TRPM3: variants seen among roughly 807,000 people sequenced by gnomAD.
TRPM3 encodes the protein long transient receptor potential channel 3.
Under a neutral mutation model 181.2 loss-of-function variants are expected in TRPM3, and 77 were observed. The ratio of observed to expected loss-of-function variants is 0.42; its 90% CI spans 0.35 to 0.51. TRPM3 has a LOEUF of 0.51. Ranked by LOEUF, TRPM3 falls within the 20% of genes least tolerant of loss-of-function variation. The pLI is 0.01. For missense variants in TRPM3, 1,759 were observed against 2,196.7 expected, an observed-to-expected ratio of 0.80 and a Z score of 3.98; for synonymous variants, 745 against 796.4, an observed-to-expected ratio of 0.94 and a Z score of 1.09.
Position 71,074,126 on chromosome 9 carries a change from G to A in TRPM3, c.177+47052C>T, listed in dbSNP as rs140922855. On this transcript the variant is annotated intron_variant, in intron 1 of 25. Coordinates refer to ENST00000677713, the MANE Select transcript of TRPM3 (RefSeq NM_001366145.2). The stretch of plus-strand genomic sequence containing the variant: ...TGTTAACAATATAATTCACCAGCCC[G>A]CAATTAATTCTATTTTAGTAACTAC... Among the ~76,000 whole-genome samples the A allele has an allele frequency of 3.4e-3, 524 of 152,190 alleles. 4 individuals are homozygous for A. The highest frequency in any genetic ancestry group is 2.4e-3 in the Admixed American group (37 of 15,280).
chr9:71,224,888 T>C (rs1266049076), intron 1 of TRPM3, among the ~76,000 whole-genome samples: 1 of 151,990 alleles, frequency 6.6e-6, no homozygotes, highest in Non-Finnish European at 1.5e-5. Flanking sequence ...ATTAGTGCGC[T>C]TAAAGACAGG....
At chr9:71,330,256 A>G (rs1460523069) in intron 1 of TRPM3, among the ~76,000 whole-genome samples, 1 of 151,914 alleles carries the variant, frequency 6.6e-6, no homozygotes, top group East Asian at 1.9e-4. Flanking sequence ...GATTTTTGTT[A>G]AGGTTACATA....
intron 1 of TRPM3, among the ~76,000 whole-genome samples, chr9:71,083,713 TAC>T (rs34900575): frequency 0.31 from 45,602 of 145,124 alleles, 7,047 homozygotes; most frequent in East Asian, 0.38. Flanking sequence ...TATTATTATG[TAC>T]ACACACACAC....
At chr9:71,203,598 G>C (rs936007710) in intron 1 of TRPM3, among the ~76,000 whole-genome samples, 10 of 152,126 alleles carry the variant, frequency 6.6e-5, no homozygotes, top group Admixed American at 1.3e-4. Context: ...CTACTGACTG[G>C]CTGTGTGACC....
At chr9:70,655,151 C>CA (rs1414158877) in intron 9 of TRPM3, among the ~76,000 whole-genome samples, 1 of 149,756 alleles carries the variant, frequency 6.7e-6, no homozygotes, top group African/African-American at 2.4e-5. Flanking sequence ...GCTAAAAATA[C>CA]AAAAATTAGC....
At chr9:71,086,319 A>G (rs1005094240) in intron 1 of TRPM3, among the ~76,000 whole-genome samples, 4 of 151,930 alleles carry the variant, frequency 2.6e-5, no homozygotes, top group Non-Finnish European at 1.5e-5. Context: ...ACTCATAGGA[A>G]AAACTAAACC....
intron 22 of TRPM3, among the ~76,000 whole-genome samples, chr9:70,588,129 G>A (rs1304633408): frequency 1.3e-5 from 2 of 152,154 alleles, no homozygotes; most frequent in African/African-American, 4.8e-5. Flanking sequence ...ACTTTACAGC[G>A]ACTCCATTTT....
intron 1 of TRPM3, among the ~76,000 whole-genome samples, chr9:70,959,833 C>T (rs2097119667): frequency 6.6e-6 from 1 of 152,128 alleles, no homozygotes; most frequent in East Asian, 1.9e-4. Flanking sequence ...TTTTCTCTTC[C>T]ATTTCACAAA....
chr9:71,181,336 G>A (rs1587818799), intron 1 of TRPM3, among the ~76,000 whole-genome samples: 1 of 146,214 alleles, frequency 6.8e-6, no homozygotes. Flanking sequence ...TATTTGTTTT[G>A]TTTTTAAAAA....
chr9:70,592,183 A>T (rs578097327), intron 21 of TRPM3, among the ~76,000 whole-genome samples: 152 of 152,208 alleles, frequency 1.0e-3, no homozygotes, highest in African/African-American at 3.5e-3. Flanking sequence ...CTCCTTTTAT[A>T]AACAGTTTCT....
chr9:71,157,180 A>T (rs1312006567), intron 1 of TRPM3, among the ~76,000 whole-genome samples: 1 of 152,172 alleles, frequency 6.6e-6, no homozygotes, highest in Non-Finnish European at 1.5e-5. Context: ...TACATTATCA[A>T]CAAAAAGCAT....
intron 1 of TRPM3, among the ~76,000 whole-genome samples, chr9:71,303,794 AT>A (rs1393332232): frequency 6.6e-6 from 1 of 152,202 alleles, no homozygotes; most frequent in Non-Finnish European, 1.5e-5. Flanking sequence ...GTGTTACATT[AT>A]TTTAAATAGG....
chr9:71,389,282 C>A (rs903069564), intron 1 of TRPM3, among the ~76,000 whole-genome samples: 1 of 151,676 alleles, frequency 6.6e-6, no homozygotes, highest in Admixed American at 6.6e-5. Flanking sequence ...CAATGTGATA[C>A]CCCCTTAACT....
At chr9:71,195,929 G>A (rs998743513) in intron 1 of TRPM3, among the ~76,000 whole-genome samples, 1 of 151,980 alleles carries the variant, frequency 6.6e-6, no homozygotes, top group Non-Finnish European at 1.5e-5. Context: ...GACCCAAAGA[G>A]GGGAACAACA....
chr9:71,310,671 G>T (rs2087843450), intron 1 of TRPM3, among the ~76,000 whole-genome samples: 1 of 152,100 alleles, frequency 6.6e-6, no homozygotes, highest in Non-Finnish European at 1.5e-5. Flanking sequence ...AGCTCCTACT[G>T]TAAATTAATG....
At chr9:70,989,021 C>A (rs545424351) in intron 1 of TRPM3, among the ~76,000 whole-genome samples, 1 of 152,248 alleles carries the variant, frequency 6.6e-6, no homozygotes, top group East Asian at 1.9e-4. Context: ...TCTGTGATAC[C>A]CTGAGCAGAA....
At chr9:70,571,602 G>A (rs2052405312) in intron 22 of TRPM3, among the ~76,000 whole-genome samples, 1 of 151,908 alleles carries the variant, frequency 6.6e-6, no homozygotes, top group African/African-American at 2.4e-5. Context: ...AGTTTCATAG[G>A]GTTCCACAGA....
At chr9:71,329,246 ATG>A (rs2089945250) in intron 1 of TRPM3, among the ~76,000 whole-genome samples, 1 of 152,188 alleles carries the variant, frequency 6.6e-6, no homozygotes, top group Non-Finnish European at 1.5e-5. Flanking sequence ...CTCTTATTTC[ATG>A]TGTGTTTATT....
At chr9:70,842,933 TA>T (rs778744053) in intron 5 of TRPM3, 69 bp downstream of exon 5, 1 of 1,518,068 alleles carries the variant, frequency 6.6e-7, no homozygotes, top group South Asian at 1.2e-5. Context: ...TTTTGAATAC[TA>T]ATTTTATTAT....
Sources: gnomAD v4.1 joint callset for allele counts (sites outside exome capture counted in the v4.1 genomes callset) on GRCh38, gnomAD v4.1.1 for gene constraint, MANE v1.5 for transcripts, NCBI Gene and HGNC (gene_info 2026-07-23, HGNC 2026-07-21) for gene names.